ZMAT4: variants seen among roughly 807,000 people sequenced by gnomAD.
The protein encoded by ZMAT4 is zinc finger matrin-type protein 4.
A neutral mutation model predicts 28.7 loss-of-function variants in ZMAT4; 17 were observed. That is an observed-to-expected ratio of 0.59 (90% CI 0.41 to 0.89). The LOEUF (loss-of-function observed/expected upper bound fraction) is 0.89, where lower values mean the gene tolerates loss of function less well. ZMAT4 is among the 40% of genes least tolerant of loss of function. The pLI is 0.00. For synonymous variants in ZMAT4, 117 were observed against 109.2 expected (o/e 1.07, Z -0.44); for missense variants, 240 against 283.8 (o/e 0.85, Z 1.11).
At chr8:40,603,411 T>C (rs1805465681) in intron 5 of ZMAT4, among the ~76,000 whole-genome samples, 1 of 152,176 alleles carries the variant, frequency 6.6e-6, no homozygotes, top group Admixed American at 6.5e-5. Flanking sequence ...ATGCGGACTC[T>C]TTTTTTGGTT....
chr8:40,820,999 A>G (rs904895020), intron 2 of ZMAT4, among the ~76,000 whole-genome samples: 7 of 119,932 alleles, frequency 5.8e-5, no homozygotes, highest in Non-Finnish European at 8.9e-5. Flanking sequence ...ATGTGTGTGT[A>G]TGTGTATATG....
chr8:40,734,346 T>A (rs1182591452), intron 3 of ZMAT4, among the ~76,000 whole-genome samples: 1 of 152,178 alleles, frequency 6.6e-6, no homozygotes, highest in Non-Finnish European at 1.5e-5. Context: ...AGCCCCAGTT[T>A]TAAGATGCAG....
chr8:40,549,517 T>C (rs997011918), intron 6 of ZMAT4, among the ~76,000 whole-genome samples: 4 of 152,168 alleles, frequency 2.6e-5, no homozygotes, highest in Non-Finnish European at 4.4e-5. Context: ...TCATGCAATC[T>C]TTTGATGAGA....
intron 3 of ZMAT4, among the ~76,000 whole-genome samples, chr8:40,739,421 C>T (rs1811909020): frequency 6.6e-6 from 1 of 152,146 alleles, no homozygotes; most frequent in African/African-American, 2.4e-5. Context: ...GAAATCTCCC[C>T]CTCCTGAGAG....
chr8:40,616,805 G>A (rs974677877), intron 5 of ZMAT4, among the ~76,000 whole-genome samples: 5 of 151,330 alleles, frequency 3.3e-5, no homozygotes, highest in African/African-American at 1.2e-4. Flanking sequence ...GTTAATGGGT[G>A]CAGCACACCA....
intron 1 of ZMAT4, among the ~76,000 whole-genome samples, chr8:40,864,122 G>A (rs1388571423): frequency 6.6e-6 from 1 of 152,198 alleles, no homozygotes; most frequent in Non-Finnish European, 1.5e-5. Flanking sequence ...CCTGTGCTTG[G>A]ATGGACGTAA....
chr8:40,707,039 C>G (rs1230986124), intron 3 of ZMAT4, among the ~76,000 whole-genome samples: 2 of 152,138 alleles, frequency 1.3e-5, no homozygotes, highest in African/African-American at 4.8e-5. Flanking sequence ...CCTCCAGCTA[C>G]GTTAAGGATA....
chr8:40,637,279 T>A (rs559004396), intron 5 of ZMAT4, among the ~76,000 whole-genome samples: 75 of 152,282 alleles, frequency 4.9e-4, no homozygotes, highest in African/African-American at 1.7e-3. Flanking sequence ...ATTCTCAGAA[T>A]GGAAGCAATT....
intron 2 of ZMAT4, among the ~76,000 whole-genome samples, chr8:40,781,537 C>T (rs997808032): frequency 2.0e-5 from 3 of 151,258 alleles, no homozygotes; most frequent in Non-Finnish European, 2.9e-5. Context: ...CCGAGGCGGG[C>T]GGATCACGAG....
intron 3 of ZMAT4, among the ~76,000 whole-genome samples, chr8:40,756,864 G>T (rs533231123): frequency 6.6e-6 from 1 of 152,006 alleles, no homozygotes; most frequent in Non-Finnish European, 1.5e-5. Flanking sequence ...GATATACATT[G>T]GTGATCTGTT....
At chr8:40,600,507 T>A (rs530455921) in intron 5 of ZMAT4, among the ~76,000 whole-genome samples, 3 of 152,326 alleles carry the variant, frequency 2.0e-5, no homozygotes, top group Admixed American at 1.3e-4. Flanking sequence ...CAACCTTCCC[T>A]TCACCACATG....
At chr8:40,822,499 A>C (rs1339847883) in intron 2 of ZMAT4, among the ~76,000 whole-genome samples, 1 of 152,194 alleles carries the variant, frequency 6.6e-6, no homozygotes, top group African/African-American at 2.4e-5. Context: ...TCCATAAGTC[A>C]CTGCAGCAGG....
At chr8:40,768,219 G>T (rs895585545) in intron 2 of ZMAT4, among the ~76,000 whole-genome samples, 4 of 152,094 alleles carry the variant, frequency 2.6e-5, no homozygotes, top group African/African-American at 7.2e-5. Flanking sequence ...TATCAAAAGG[G>T]ATGGGATTCT....
At chr8:40,728,453 A>G (rs1811395684) in intron 3 of ZMAT4, among the ~76,000 whole-genome samples, 1 of 152,164 alleles carries the variant, frequency 6.6e-6, no homozygotes, top group African/African-American at 2.4e-5. Flanking sequence ...TCCCAACCTG[A>G]GCATCACTGG....
chr8:40,717,028 G>T (rs941522786), intron 3 of ZMAT4, among the ~76,000 whole-genome samples: 1 of 152,304 alleles, frequency 6.6e-6, no homozygotes, highest in East Asian at 1.9e-4. Context: ...CCTATGAAAA[G>T]TTCTGAGCAC....
intron 2 of ZMAT4, among the ~76,000 whole-genome samples, chr8:40,816,587 G>T (rs1031187104): frequency 5.3e-5 from 8 of 152,056 alleles, no homozygotes; most frequent in African/African-American, 1.9e-4. Flanking sequence ...CAAAATACTG[G>T]CAAAACTTGC....
chr8:40,891,643 G>T (rs1023696927), intron 1 of ZMAT4, among the ~76,000 whole-genome samples: 12 of 151,962 alleles, frequency 7.9e-5, no homozygotes, highest in Admixed American at 3.9e-4. Context: ...TGATGGTCTC[G>T]CTGGGCCAGT....
At chr8:40,820,631 T>C (rs939784178) in intron 2 of ZMAT4, among the ~76,000 whole-genome samples, 1 of 110,928 alleles carries the variant, frequency 9.0e-6, no homozygotes, top group African/African-American at 3.0e-5. Context: ...TGTGTATGTG[T>C]GTGGGAGTGT....
At chr8:40,855,557 C>T (rs1817265971) in intron 1 of ZMAT4, among the ~76,000 whole-genome samples, 1 of 152,134 alleles carries the variant, frequency 6.6e-6, no homozygotes, top group Admixed American at 6.5e-5. Flanking sequence ...GGGGCATTTT[C>T]CCAAGCAGAA....
Sources: allele counts gnomAD v4.1 joint callset (sites outside exome capture counted in the v4.1 genomes callset), GRCh38; gene constraint gnomAD v4.1.1; transcripts MANE v1.5; gene names NCBI Gene and HGNC (gene_info 2026-07-23, HGNC 2026-07-21).